ABL1: variants seen among roughly 807,000 people sequenced by gnomAD.
ABL1 encodes ABL proto-oncogene 1, non-receptor tyrosine kinase.
In ABL1, 11 loss-of-function variants were observed where a neutral mutation model predicts 94.7. The observed-to-expected ratio is 0.12, with a 90% confidence interval of 0.07 to 0.19. The LOEUF is 0.19. ABL1 is among the 10% of genes least tolerant of loss of function. The probability of loss-of-function intolerance (pLI) is 1.00; values close to 1 mark genes in which losing one functional copy is unlikely to be tolerated. For missense variants in ABL1, 1,082 were observed against 1,489.4 expected, an observed-to-expected ratio of 0.73 and a Z score of 4.50; for synonymous variants, 656 against 622.4, an observed-to-expected ratio of 1.05 and a Z score of -0.80.
rs1831584803 is a variant in ABL1 at position 130,886,378 on chromosome 9, G to A, written c.*695G>A. On this transcript the variant is annotated 3_prime_UTR_variant, in exon 11 of 11. Coordinates refer to ENST00000318560, the MANE Select transcript of ABL1 (RefSeq NM_005157.6). ...GGGCAGGTGGGAGCTGAAAAGGATC[G>A]AGGCATGGGGCATGTCCTTTCCATC... 8.6e-6 allele frequency: 2 copies of A among 233,894 alleles called. No individual in the cohort carries two copies. The highest frequency in any genetic ancestry group is 6.0e-5 in the East Asian group (1 of 16,590). 14.5% of individuals were successfully genotyped at this position (233,894 alleles called of 1,614,324 possible).
Position 130,731,515 on chromosome 9 carries a change from T to TC in ABL1, c.136+17063dup, listed in dbSNP as rs1588214044. ...TGTGTAGGGGCGAAGGTTCATTTTT[T>TC]CCCTCATATTGACCTAGCTGTTTAA... On this transcript the variant is annotated intron_variant, in intron 1 of 10. Transcript: ENST00000372348. 2.6e-5 allele frequency among the ~76,000 whole-genome samples: 4 copies of TC among 152,268 alleles called. No homozygotes were observed. In the East Asian group the frequency reaches 7.7e-4, roughly 29 times the overall value.
At chr9:130,756,763 T>C (rs907909238) in intron 1 of ABL1, among the ~76,000 whole-genome samples, 1 of 152,180 alleles carries the variant, frequency 6.6e-6, no homozygotes, top group African/African-American at 2.4e-5. Flanking sequence ...GTTGACTGTG[T>C]TCTAATAGGG....
chr9:130,754,474 C>G (rs1405688161), intron 1 of ABL1, among the ~76,000 whole-genome samples: 1 of 141,162 alleles, frequency 7.1e-6, no homozygotes, highest in Non-Finnish European at 1.5e-5. Context: ...TGCCACTGCA[C>G]TCCAGCCTGG....
At chr9:130,859,750 G>A (rs1831038347) in intron 3 of ABL1, among the ~76,000 whole-genome samples, 1 of 128,104 alleles carries the variant, frequency 7.8e-6, no homozygotes, top group African/African-American at 3.0e-5. Flanking sequence ...GCACAATCTC[G>A]GCTCATTGCA....
chr9:130,810,758 A>AG (rs1026072068), intron 1 of ABL1, among the ~76,000 whole-genome samples: 24 of 150,940 alleles, frequency 1.6e-4, no homozygotes, highest in South Asian at 2.1e-4. Context: ...ATAGAGAGAG[A>AG]AAAAAAAATG....
exon 1 of ABL1, among the ~76,000 whole-genome samples, chr9:130,713,127 G>A (rs563104602): frequency 2.0e-5 from 3 of 152,348 alleles, no homozygotes; most frequent in African/African-American, 4.8e-5. Flanking sequence ...TGCGGCTGAG[G>A]AGCCCCTCCG....
intron 3 of ABL1, among the ~76,000 whole-genome samples, chr9:130,856,641 T>G (rs796508460): frequency 4.6e-5 from 7 of 152,374 alleles, no homozygotes; most frequent in African/African-American, 1.7e-4. Flanking sequence ...AGGCAAGCAC[T>G]GGTACTAGTT....
chr9:130,835,312 CGCGCGGG>C lies in ABL1; in HGVS notation c.-131_-125del, dbSNP rs1830549614. On this transcript the variant is annotated 5_prime_UTR_variant, in exon 1 of 11. The change abolishes the stop of an existing upstream ORF in the 5' untranslated region. Transcript: ENST00000318560. The surrounding 1 kb of genome is among the most constrained non-coding windows in gnomAD (Gnocchi z 4.6). ...GGCCGCGGCCATGGGCGGGCGCGGGCGCGCGGGGCGGCGGTGAGGGCGGCTGGCGGGG... is the reference window on the plus strand; with the variant it reads ...GGCCGCGGCCATGGGCGGGCGCGGGCGCGGCGGTGAGGGCGGCTGGCGGGG... The C allele has an allele frequency of 1.1e-5, 2 of 177,994 alleles. No individual in the cohort carries two copies. The highest frequency in any genetic ancestry group is 3.9e-4 in the South Asian group (2 of 5,074). The allele number at this position is 177,994 out of a possible 1,614,324, so 11.0% of individuals were successfully genotyped here. A position where few individuals can be genotyped will look rare whatever the true frequency, so the allele number is the denominator to read the frequency against.
At position 130,855,105 on chromosome 9, in the gene ABL1, C is replaced by A. The variant is rs770185520; in HGVS notation, c.549+9C>A. Reference sequence around the variant, plus strand: ...CTGCTTCTGATGGCAAGGTAGGGGACCCTTGGCAGGGGGCGCTGATGGGCC... The same window carrying A: ...CTGCTTCTGATGGCAAGGTAGGGGAACCTTGGCAGGGGGCGCTGATGGGCC... On this transcript the variant is annotated intron_variant, in intron 3 of 10. Coordinates refer to ENST00000318560, the MANE Select transcript of ABL1 (RefSeq NM_005157.6). 1 of 1,608,742 alleles carries A rather than the reference C, an allele frequency of 6.2e-7. No homozygotes were observed. The highest frequency in any genetic ancestry group is 8.5e-7 in the Non-Finnish European group (1 of 1,176,196).
At chr9:130,787,437 G>T (rs1829844177) in intron 1 of ABL1, among the ~76,000 whole-genome samples, 1 of 152,100 alleles carries the variant, frequency 6.6e-6, no homozygotes, top group African/African-American at 2.4e-5. Flanking sequence ...GCTGACTTTT[G>T]CATTGTATCA....
chr9:130,789,290 A>G (rs570289548), intron 1 of ABL1, among the ~76,000 whole-genome samples: 318 of 152,316 alleles, frequency 2.1e-3, no homozygotes, highest in African/African-American at 7.2e-3. Context: ...TGGAGGGCAA[A>G]GAAAAAAAAT....
chr9:130,749,028 G>A (rs1288738789), intron 1 of ABL1, among the ~76,000 whole-genome samples: 1 of 152,188 alleles, frequency 6.6e-6, no homozygotes, highest in Admixed American at 6.5e-5. Context: ...CTATTAGGCT[G>A]TAGTTCATAC....
At chr9:130,723,362 A>G (rs769870534) in intron 1 of ABL1, among the ~76,000 whole-genome samples, 12 of 152,162 alleles carry the variant, frequency 7.9e-5, no homozygotes, top group Non-Finnish European at 1.6e-4. Context: ...CCTGGACAAC[A>G]TAGCAACACC....
chr9:130,726,754 G>A (rs1455330121), intron 1 of ABL1, among the ~76,000 whole-genome samples: 1 of 152,124 alleles, frequency 6.6e-6, no homozygotes, highest in Admixed American at 6.6e-5. Flanking sequence ...GATTATAGGC[G>A]TGAGCCACTG....
At chr9:130,788,644 T>C (rs1191207606) in intron 1 of ABL1, among the ~76,000 whole-genome samples, 2 of 152,244 alleles carry the variant, frequency 1.3e-5, no homozygotes, top group Admixed American at 6.5e-5. Context: ...TTTAATATCC[T>C]GTAAGCTGGA....
chr9:130,771,777 A>C, intron 1 of ABL1, among the ~76,000 whole-genome samples: 1 of 61,034 alleles, frequency 1.6e-5, no homozygotes, highest in Non-Finnish European at 3.6e-5. Context: ...TTTTTGAGAC[A>C]GAGTCTTACT....
intron 1 of ABL1, among the ~76,000 whole-genome samples, chr9:130,770,897 T>C (rs949802648): frequency 1.3e-5 from 2 of 152,196 alleles, no homozygotes; most frequent in Admixed American, 6.5e-5. Flanking sequence ...ACTCTGGGTC[T>C]CACTTACTAA....
intron 1 of ABL1, among the ~76,000 whole-genome samples, chr9:130,752,267 T>G (rs1185183211): frequency 2.0e-5 from 3 of 152,220 alleles, no homozygotes; most frequent in African/African-American, 7.2e-5. Context: ...TGTGAGATCT[T>G]GGGCATGTTA....
chr9:130,745,315 C>G (rs1203652360), intron 1 of ABL1, among the ~76,000 whole-genome samples: 1 of 152,012 alleles, frequency 6.6e-6, no homozygotes, highest in Non-Finnish European at 1.5e-5. Context: ...AACTCCCGAC[C>G]TCAGGTGATC....
Sources: allele counts gnomAD v4.1 joint callset (sites outside exome capture counted in the v4.1 genomes callset), GRCh38; gene constraint gnomAD v4.1.1; non-coding constraint Gnocchi (gnomAD v3.1); transcripts MANE v1.5; gene names NCBI Gene and HGNC (gene_info 2026-07-23, HGNC 2026-07-21).